The following RALGAPB variants were observed in gnomAD, a reference collection of about 807,000 sequenced individuals.
RALGAPB encodes Ral GTPase activating protein non-catalytic subunit beta.
Under a neutral mutation model 161.1 loss-of-function variants are expected in RALGAPB, and 25 were observed. That is an observed-to-expected ratio of 0.16 (90% CI 0.11 to 0.22). RALGAPB has a LOEUF of 0.22. Among genes scored for constraint, RALGAPB ranks in the 10% least tolerant of loss-of-function variants. The pLI, the probability that RALGAPB is intolerant of heterozygous loss-of-function variation, is 1.00. For synonymous variants in RALGAPB, 629 were observed against 626.1 expected, an observed-to-expected ratio of 1.00 and a Z score of -0.07; for missense variants, 1,391 against 1,815.2, an observed-to-expected ratio of 0.77 and a Z score of 4.25.
At chr20:38,485,822 T>C (rs1421843711) in intron 1 of RALGAPB, among the ~76,000 whole-genome samples, 1 of 152,214 alleles carries the variant, frequency 6.6e-6, no homozygotes, top group Non-Finnish European at 1.5e-5. Context: ...TTCTCTTCAT[T>C]GTTTTACTTA....
At position 38,480,693 on chromosome 20, in the gene RALGAPB, A is replaced by G. The variant is rs189961051; in HGVS notation, c.-31+7624A>G. Reference sequence around the variant, plus strand: ...ATGAGCCACCACACTTGGCTCTTCTATGTATTTTGTTCTCTCTTTTATCTG... The same window carrying G: ...ATGAGCCACCACACTTGGCTCTTCTGTGTATTTTGTTCTCTCTTTTATCTG... On this transcript the variant is annotated intron_variant, in intron 1 of 29. Coordinates refer to ENST00000262879, the MANE Select transcript of RALGAPB (RefSeq NM_020336.4). 1.6e-3 allele frequency among the ~76,000 whole-genome samples: 214 copies of G among 137,390 alleles called. 1 individual carries two copies. In the Middle Eastern group the frequency reaches 0.051, roughly 33 times the overall value. The allele number at this position is 137,390 out of a possible 152,430, so 90.1% of individuals were successfully genotyped here. A position where few individuals can be genotyped will look rare whatever the true frequency, so the allele number is the denominator to read the frequency against.
At chr20:38,543,001 A>G (rs2087023554) in intron 18 of RALGAPB, among the ~76,000 whole-genome samples, 1 of 152,122 alleles carries the variant, frequency 6.6e-6, no homozygotes. Flanking sequence ...CCTAGCCTGG[A>G]TGGGGTGTTC....
chr20:38,549,067 C>A (rs892672372), intron 20 of RALGAPB, among the ~76,000 whole-genome samples: 2 of 151,926 alleles, frequency 1.3e-5, no homozygotes, highest in African/African-American at 4.8e-5. Context: ...GACAATGGCC[C>A]CAGTTTTTTC....
At chr20:38,561,809 A>G (rs1418644127) in intron 23 of RALGAPB, among the ~76,000 whole-genome samples, 5 of 152,212 alleles carry the variant, frequency 3.3e-5, no homozygotes, top group Non-Finnish European at 7.3e-5. Flanking sequence ...TTTGGCCTCT[A>G]CCACTAGATA....
At position 38,546,357 on chromosome 20, in the gene RALGAPB, T is replaced by G; in HGVS notation, c.2829T>G (p.His943Gln). 1.2e-6 allele frequency: 2 copies of G among 1,614,128 alleles called. No homozygotes were observed. The highest frequency in any genetic ancestry group is 1.7e-6 in the Non-Finnish European group (2 of 1,179,996). Residue 943 changes from histidine (H) to glutamine (Q), a missense_variant, in exon 19 of 30, where the codon CAT (histidine) becomes CAG (glutamine). This residue lies in a region of RALGAPB where 946 missense variants were observed against 1,257.2 expected (regional missense o/e 0.75). Coordinates refer to ENST00000262879, the MANE Select transcript of RALGAPB (RefSeq NM_020336.4). Reference protein sequence around the residue: ...KYSRLPTINKHSFRYFVLDNS... With the variant: ...KYSRLPTINKQSFRYFVLDNS... ...CCAGGCTGCCAACCATAAACAAGCA[T>G]AGTTTCCGGTACTTTGTCTTGGATA...
Position 38,567,229 on chromosome 20 carries a change from G to A in RALGAPB, c.3951G>A (p.Gln1317=), listed in dbSNP as rs774859465. The stretch of plus-strand genomic sequence containing the variant: ...ATACAGACAATCTTAATTCCTCACA[G>A]AGGGTAAGTTACTTTGTTGATAGGT... The part of the protein sequence containing the change: ...PNHTDNLNSS[Q]RLSPSSRMRK... Residue 1317 remains glutamine, a synonymous_variant, in exon 26 of 30, where the codon CAG becomes CAA. Coordinates refer to ENST00000262879, the MANE Select transcript of RALGAPB (RefSeq NM_020336.4). The A allele has an allele frequency of 6.2e-7, 1 of 1,612,592 alleles. No individual in the cohort carries two copies. The highest frequency in any genetic ancestry group is 1.7e-5 in the Admixed American group (1 of 59,886).
intron 5 of RALGAPB, among the ~76,000 whole-genome samples, chr20:38,500,961 G>A (rs77617719): frequency 6.6e-6 from 1 of 152,184 alleles, no homozygotes; most frequent in East Asian, 1.9e-4. Context: ...AGCTGTAGAA[G>A]AAAGCTTAGG....
intron 26 of RALGAPB, chr20:38,569,660 C>CT (rs199575997): frequency 2.0e-3 from 896 of 458,982 alleles, no homozygotes; most frequent in South Asian, 2.7e-3. Context: ...GTATTCCTTC[C>CT]TTTTTTTTTC....
intron 1 of RALGAPB, among the ~76,000 whole-genome samples, chr20:38,479,508 G>A (rs2084902917): frequency 6.6e-6 from 1 of 152,164 alleles, no homozygotes; most frequent in Non-Finnish European, 1.5e-5. Context: ...TTATTTTGCG[G>A]TGGTGCTTAC....
At chr20:38,527,387 C>T (rs1490233848) in intron 13 of RALGAPB, among the ~76,000 whole-genome samples, 1 of 152,156 alleles carries the variant, frequency 6.6e-6, no homozygotes, top group Non-Finnish European at 1.5e-5. Context: ...TATCCAGAGA[C>T]ACCTAATTAG....
At chr20:38,486,975 G>A (rs371347541) in intron 1 of RALGAPB, among the ~76,000 whole-genome samples, 1 of 152,262 alleles carries the variant, frequency 6.6e-6, no homozygotes, top group Non-Finnish European at 1.5e-5. Flanking sequence ...GAATGTATCC[G>A]TACACCACTA....
In RALGAPB at chr20:38,529,568, C is replaced by A. The variant is rs2086584896; in HGVS notation, c.2051-1599C>A. On this transcript the variant is annotated intron_variant, in intron 13 of 29. Transcript: ENST00000262879. ...AAAATAAAGCTTGGGCGTGGTGGCT[C>A]ATGCCTGTAATCCCAGAACTTTGGG... Among the ~76,000 whole-genome samples, 4 of 149,394 alleles carry A rather than the reference C, an allele frequency of 2.7e-5. No homozygotes were observed. In the South Asian group the frequency reaches 8.5e-4, roughly 32 times the overall value.
chr20:38,481,549 C>T (rs909535917), intron 1 of RALGAPB, among the ~76,000 whole-genome samples: 8 of 152,164 alleles, frequency 5.3e-5, no homozygotes, highest in East Asian at 3.8e-4. Flanking sequence ...ATGAGAACAG[C>T]GCAGTGAAGA....
intron 6 of RALGAPB, 25 bp downstream of exon 6, chr20:38,509,233 T>C: frequency 6.2e-7 from 1 of 1,605,604 alleles, no homozygotes; most frequent in East Asian, 2.2e-5. Context: ...TTATTTCATG[T>C]GCCATTTACC....
chr20:38,565,328 G>A (rs759412419), intron 24 of RALGAPB, 31 bp from the exon 25 acceptor site: 2 of 1,601,078 alleles, frequency 1.2e-6, no homozygotes, highest in Non-Finnish European at 1.7e-6. Context: ...ACTTTTTGAA[G>A]CGGTAATGTA....
chr20:38,487,020 C>T (rs960167326), intron 1 of RALGAPB, among the ~76,000 whole-genome samples: 6 of 152,086 alleles, frequency 3.9e-5, no homozygotes, highest in Non-Finnish European at 5.9e-5. Flanking sequence ...TATGAACATC[C>T]GGTAATAGGC....
rs536422327 is a variant in RALGAPB, at chr20:38,502,027, C to T, written c.740+2394C>T. ...CATACAAATGCTTATAGACTATATA[C>T]ATGATACCATTTGCAGTAATGTAAA... On this transcript the variant is annotated intron_variant, in intron 5 of 29. Transcript: ENST00000262879. 2.0e-5 allele frequency among the ~76,000 whole-genome samples: 3 copies of T among 152,254 alleles called. No homozygotes were observed. The East Asian group carries it at 5.8e-4, about 29-fold the overall frequency.
At chr20:38,567,930 G>A (rs2088070373) in intron 26 of RALGAPB, among the ~76,000 whole-genome samples, 1 of 152,032 alleles carries the variant, frequency 6.6e-6, no homozygotes. Flanking sequence ...AATTGATTTA[G>A]GAAAAAAATG....
At chr20:38,546,094 C>T in intron 18 of RALGAPB, 149 bp from the exon 19 acceptor site, 1 of 1,360,954 alleles carries the variant, frequency 7.3e-7, no homozygotes, top group Non-Finnish European at 9.9e-7. Flanking sequence ...CATGCCATGG[C>T]ATTCACCACA....
Sources: gnomAD v4.1 joint callset for allele counts (sites outside exome capture counted in the v4.1 genomes callset) on GRCh38, gnomAD v4.1.1 for gene constraint, gnomAD v4.1.1 regional missense constraint, MANE v1.5 for transcripts, NCBI Gene and HGNC (gene_info 2026-07-23, HGNC 2026-07-21) for gene names.